Variants in PCDHA9 observed in about 807,000 individuals in gnomAD.
PCDHA9 encodes the protein protocadherin alpha-9.
In PCDHA9, 62 loss-of-function variants were observed where a neutral mutation model predicts 62.0. The ratio of observed to expected loss-of-function variants is 1.00; its 90% confidence interval spans 0.81 to 1.23. PCDHA9 has a LOEUF of 1.23. Ranked by LOEUF, PCDHA9 falls within the 50% of genes most tolerant of loss-of-function variation. The pLI is 0.00. For missense variants in PCDHA9, 1,205 were observed against 1,249.8 expected, an observed-to-expected ratio of 0.96 and a Z score of 0.54; for synonymous variants, 557 against 567.6, an observed-to-expected ratio of 0.98 and a Z score of 0.27.
chr5:140,979,175 AAT>A, intron 2 of PCDHA9, 168 bp downstream of exon 2: 3 of 951,630 alleles, frequency 3.2e-6, no homozygotes, highest in Non-Finnish European at 3.8e-6. Flanking sequence ...AAAGATCGCA[AAT>A]GGTCAGTGCC....
At chr5:140,953,903 C>T (rs755692840) in intron 1 of PCDHA9, among the ~76,000 whole-genome samples, 1 of 152,120 alleles carries the variant, frequency 6.6e-6, no homozygotes, top group Non-Finnish European at 1.5e-5. Context: ...TTAAGCCCAG[C>T]ATCCATTAGG....
At chr5:140,895,340 A>G (rs964651163) in intron 1 of PCDHA9, among the ~76,000 whole-genome samples, 1 of 151,822 alleles carries the variant, frequency 6.6e-6, no homozygotes, top group African/African-American at 2.4e-5. Context: ...TTGTTTTACT[A>G]TGCTTTCCAG....
In PCDHA9 at chr5:140,927,655, G is replaced by C. The variant is rs782653279; in HGVS notation, c.2395-51294G>C. On this transcript the variant is annotated intron_variant, in intron 1 of 3. Transcript: ENST00000532602. Reference sequence around the variant, plus strand: ...ACCCAATGGGACTGTGTTATTCCGAGTTCAAGCCTTGGATCCAGATGAAGG... The same window carrying C: ...ACCCAATGGGACTGTGTTATTCCGACTTCAAGCCTTGGATCCAGATGAAGG... The C allele has an allele frequency of 1.2e-5, 20 of 1,614,130 alleles. No individual in the cohort carries two copies. In the Admixed American group the frequency reaches 2.3e-4, roughly 19 times the overall value.
chr5:140,960,788 G>A (rs1268913888), intron 1 of PCDHA9, among the ~76,000 whole-genome samples: 1 of 152,086 alleles, frequency 6.6e-6, no homozygotes, highest in Non-Finnish European at 1.5e-5. Context: ...GCCAAACAAG[G>A]TTTCTATTAA....
intron 3 of PCDHA9, among the ~76,000 whole-genome samples, chr5:140,983,637 T>G (rs1306208906): frequency 6.6e-6 from 1 of 152,232 alleles, no homozygotes; most frequent in Non-Finnish European, 1.5e-5. Context: ...TGTACCCAAG[T>G]TCACGTAGCT....
intron 1 of PCDHA9, among the ~76,000 whole-genome samples, chr5:140,891,557 A>G (rs549418095): frequency 6.6e-6 from 1 of 151,608 alleles, no homozygotes; most frequent in Non-Finnish European, 1.5e-5. Flanking sequence ...TTATTTTAGT[A>G]CTCTAATTAA....
chr5:140,881,121 C>G (rs1456322924), intron 1 of PCDHA9, among the ~76,000 whole-genome samples: 4 of 152,122 alleles, frequency 2.6e-5, no homozygotes, highest in Non-Finnish European at 4.4e-5. Flanking sequence ...GATTTTGTGG[C>G]TTGGTAGAGA....
chr5:140,854,797 A>G (rs1299295498), intron 1 of PCDHA9: 1 of 149,772 alleles, frequency 6.7e-6, no homozygotes, highest in African/African-American at 2.4e-5. Context: ...TGAGAGAGAA[A>G]AAAATATTTT....
In PCDHA9 at chr5:140,849,843, G is replaced by A. The variant is rs2150453087; in HGVS notation, c.1348G>A (p.Asp450Asn). 8 of 1,598,500 alleles carry A rather than the reference G, an allele frequency of 5.0e-6. 1 individual carries two copies. The highest frequency in any genetic ancestry group is 3.3e-5 in the South Asian group (3 of 90,550). The change falls in exon 1 of 4, where the codon GAC (aspartate) becomes AAC (asparagine). Residue 450 changes from aspartate (D) to asparagine (N), a missense_variant. Physicochemically the swap from Asp to Asn is conservative, Grantham distance 23. This residue lies in a region of PCDHA9 where 887 missense variants were observed against 809.5 expected (regional missense o/e 1.10). Transcript: ENST00000532602. ...RVSVEVADVN[D>N]NAPAFAQSEY... Reference sequence around the variant, plus strand: ...GTCTGTGGAGGTGGCCGACGTGAACGACAACGCACCAGCGTTCGCGCAGTC... The same window carrying A: ...GTCTGTGGAGGTGGCCGACGTGAACAACAACGCACCAGCGTTCGCGCAGTC...
At chr5:140,971,695 A>G (rs563817946) in intron 1 of PCDHA9, among the ~76,000 whole-genome samples, 26 of 152,062 alleles carry the variant, frequency 1.7e-4, no homozygotes, top group Admixed American at 5.2e-4. Flanking sequence ...GTACTCACTA[A>G]CCACCCTGCT....
intron 1 of PCDHA9, chr5:140,967,158 T>G (rs1586192830): frequency 6.2e-7 from 1 of 1,610,448 alleles, no homozygotes. Context: ...CCCGTGGCGG[T>G]GAGCGCCGTT....
At chr5:140,877,930 C>T (rs2057400413) in intron 1 of PCDHA9, 1 of 1,411,700 alleles carries the variant, frequency 7.1e-7, no homozygotes, top group East Asian at 2.5e-5. Flanking sequence ...CTTTATGATT[C>T]TATCCTTTAA....
chr5:140,865,500 G>A (rs1485481097), intron 1 of PCDHA9: 1 of 152,176 alleles, frequency 6.6e-6, no homozygotes, highest in Non-Finnish European at 1.5e-5. Flanking sequence ...GGAAAACCCT[G>A]TCCTACTTTA....
chr5:140,968,949 T>C, intron 1 of PCDHA9: 1 of 1,614,180 alleles, frequency 6.2e-7, no homozygotes, highest in Non-Finnish European at 8.5e-7. Flanking sequence ...ATTTTGAGCA[T>C]CATCAAGTGC....
chr5:140,980,714 G>A (rs958793243), intron 2 of PCDHA9, among the ~76,000 whole-genome samples: 7 of 151,264 alleles, frequency 4.6e-5, no homozygotes, highest in African/African-American at 9.7e-5. Context: ...GCTCCTATTC[G>A]GGTTTCAATT....
At chr5:140,906,961 T>C (rs143429690) in intron 1 of PCDHA9, among the ~76,000 whole-genome samples, 1 of 152,268 alleles carries the variant, frequency 6.6e-6, no homozygotes, top group African/African-American at 2.4e-5. Flanking sequence ...TTTAATGGAA[T>C]CGTGGTTGTG....
chr5:140,987,007 A>C (rs2097221901), intron 3 of PCDHA9, among the ~76,000 whole-genome samples: 1 of 152,142 alleles, frequency 6.6e-6, no homozygotes, highest in African/African-American at 2.4e-5. Context: ...TGAGGTCATG[A>C]GTTCGAGACC....
intron 3 of PCDHA9, among the ~76,000 whole-genome samples, chr5:140,993,102 C>T (rs979360910): frequency 2.6e-5 from 4 of 152,272 alleles, no homozygotes; most frequent in South Asian, 4.1e-4. Flanking sequence ...GTTTATTCAG[C>T]GGTCAGTGTC....
chr5:141,008,594 C>A (rs1018305560), intron 3 of PCDHA9, among the ~76,000 whole-genome samples: 1 of 152,214 alleles, frequency 6.6e-6, no homozygotes, highest in African/African-American at 2.4e-5. Context: ...GCAGATTTCA[C>A]CTCCTCTGGA....
Sources: allele counts gnomAD v4.1 joint callset (sites outside exome capture counted in the v4.1 genomes callset), GRCh38; gene constraint gnomAD v4.1.1; regional missense constraint gnomAD v4.1.1; transcripts MANE v1.5; gene names NCBI Gene and HGNC (gene_info 2026-07-23, HGNC 2026-07-21).